The following USP24 variants were observed in gnomAD, a reference collection of about 807,000 sequenced individuals.
USP24 encodes the protein ubiquitin carboxyl-terminal hydrolase 24.
Under a neutral mutation model 361.6 loss-of-function variants are expected in USP24, and 97 were observed. That is an observed-to-expected ratio of 0.27 (90% CI 0.23 to 0.32). The LOEUF is 0.32. USP24 is among the 10% of genes least tolerant of loss of function. The probability of loss-of-function intolerance (pLI) is 1.00; values close to 1 mark genes in which losing one functional copy is unlikely to be tolerated. For missense variants in USP24, 2,353 were observed against 3,165.6 expected (o/e 0.74, Z 6.16); for synonymous variants, 1,098 against 1,124.6 (o/e 0.98, Z 0.47).
At chr1:55,151,897 G>A (rs970674371) in intron 16 of USP24, 7 of 985,796 alleles carry the variant, frequency 7.1e-6, no homozygotes, top group Non-Finnish European at 8.4e-6. Context: ...TAAGAAGTGG[G>A]TGATCTTGTC....
At chr1:55,135,270 C>A (rs1031211173) in intron 28 of USP24, among the ~76,000 whole-genome samples, 1 of 152,156 alleles carries the variant, frequency 6.6e-6, no homozygotes, top group African/African-American at 2.4e-5. Flanking sequence ...CAGGCATGAG[C>A]CACCACACCC....
Position 55,092,139 on chromosome 1 carries a change from A to C in USP24, c.6451-13T>G. On this transcript the variant is annotated splice_polypyrimidine_tract_variant and intron_variant, in intron 53 of 67. Coordinates refer to ENST00000294383, the MANE Select transcript of USP24 (RefSeq NM_015306.3). ...GCTTTAATTTAGTCTAAGAGAGGGA[A>C]ACATGAAAGAGGATATTTTTCACAG... 3 of 1,568,988 alleles carry C rather than the reference A, an allele frequency of 1.9e-6. No homozygotes were observed. The highest frequency in any genetic ancestry group is 1.7e-6 in the Non-Finnish European group (2 of 1,156,676).
intron 1 of USP24, among the ~76,000 whole-genome samples, chr1:55,196,245 C>T (rs931112162): frequency 2.0e-5 from 3 of 152,130 alleles, no homozygotes; most frequent in Admixed American, 1.3e-4. Flanking sequence ...CTTACCACCC[C>T]AAGTCTCTAA....
chr1:55,208,742 C>G (rs1275474614), intron 1 of USP24, among the ~76,000 whole-genome samples: 1 of 152,002 alleles, frequency 6.6e-6, no homozygotes, highest in African/African-American at 2.4e-5. Context: ...TCGAGACCAG[C>G]CTGGCCAACA....
At chr1:55,206,481 G>T (rs1316843838) in intron 1 of USP24, among the ~76,000 whole-genome samples, 1 of 152,126 alleles carries the variant, frequency 6.6e-6, no homozygotes, top group Non-Finnish European at 1.5e-5. Context: ...CTTAGAACAG[G>T]AAGGCAGGAG....
chr1:55,123,315 C>T lies in USP24; in HGVS notation c.4276+132G>A, dbSNP rs1270633116. 10 of 1,028,804 alleles carry T rather than the reference C, an allele frequency of 9.7e-6. No individual in the cohort carries two copies. In the East Asian group the frequency reaches 1.1e-4, roughly 11 times the overall value. 63.7% of individuals were successfully genotyped at this position (1,028,804 alleles called of 1,614,324 possible). On this transcript the variant is annotated intron_variant, in intron 36 of 67. Transcript: ENST00000294383. ...GCTATTTTAGCATTATTCTTAGCTA[C>T]GCCACATGCCAACTTCCCGCCTTTT...
chr1:55,113,888 A>G (rs532297822), intron 38 of USP24, among the ~76,000 whole-genome samples: 81 of 152,210 alleles, frequency 5.3e-4, no homozygotes, highest in Non-Finnish European at 8.7e-4. Flanking sequence ...CTTATTTAAC[A>G]TAGTATTGGA....
intron 36 of USP24, among the ~76,000 whole-genome samples, chr1:55,123,047 G>A (rs1646328125): frequency 6.6e-6 from 1 of 152,098 alleles, no homozygotes; most frequent in Non-Finnish European, 1.5e-5. Flanking sequence ...AATGGTCCCC[G>A]TTCACCAAAG....
chr1:55,205,892 C>T lies in USP24; in HGVS notation c.324+8898G>A, dbSNP rs141721335. On this transcript the variant is annotated intron_variant, in intron 1 of 67. Coordinates refer to ENST00000294383, the MANE Select transcript of USP24 (RefSeq NM_015306.3). ...TTAAGTATGCATATTTACATGTATA[C>T]GTGAGAGGCCCCATAGCTCTTAATT... Among the ~76,000 whole-genome samples the T allele has an allele frequency of 4.4e-3, 663 of 152,140 alleles. 6 individuals are homozygous for T. Among genetic ancestry groups the T allele is most frequent in the African/African-American group, 0.015 (628 of 41,502 alleles).
At chr1:55,130,930 T>A (rs1436535181) in intron 31 of USP24, among the ~76,000 whole-genome samples, 1 of 152,144 alleles carries the variant, frequency 6.6e-6, no homozygotes, top group Non-Finnish European at 1.5e-5. Context: ...ACAAAAAATA[T>A]CAAAGGAATT....
intron 3 of USP24, among the ~76,000 whole-genome samples, chr1:55,175,760 T>C (rs1006650967): frequency 3.3e-5 from 5 of 152,200 alleles, no homozygotes; most frequent in African/African-American, 1.2e-4. Flanking sequence ...GCTCATCTGC[T>C]AAAAAGGGAG....
chr1:55,160,670 T>G (rs1248318271), intron 8 of USP24, among the ~76,000 whole-genome samples: 5 of 152,202 alleles, frequency 3.3e-5, no homozygotes, highest in Non-Finnish European at 7.3e-5. Flanking sequence ...GGTTGGGAAT[T>G]CATACACTTC....
rs372946884 is a variant in USP24, at chr1:55,196,797, A to G, written c.324+17993T>C. ...TATTCTGACAAAAAGTTATCGTGAC[A>G]GTTGCCTGCAAGGCCCTAATGGGGA... On this transcript the variant is annotated intron_variant, in intron 1 of 67. Transcript: ENST00000294383. 3.5e-4 allele frequency among the ~76,000 whole-genome samples: 54 copies of G among 152,350 alleles called. 2 individuals carry two copies. In the South Asian group the frequency reaches 0.011, roughly 31 times the overall value.
intron 60 of USP24, among the ~76,000 whole-genome samples, chr1:55,079,166 C>T (rs1162112285): frequency 1.3e-5 from 2 of 152,090 alleles, no homozygotes; most frequent in East Asian, 1.9e-4. Context: ...GAGCAGCCCA[C>T]CCACACTCCT....
At chr1:55,122,123 A>G (rs1034074077) in intron 36 of USP24, among the ~76,000 whole-genome samples, 1 of 152,232 alleles carries the variant, frequency 6.6e-6, no homozygotes, top group Admixed American at 6.5e-5. Flanking sequence ...TAATGACAAT[A>G]AACACAATAA....
chr1:55,106,999 T>G lies in USP24; in HGVS notation c.4762+240A>C, dbSNP rs546044154. Among the ~76,000 whole-genome samples the G allele has an allele frequency of 9.2e-5, 14 of 152,306 alleles. No individual in the cohort carries two copies. The South Asian group carries it at 2.9e-3, about 32-fold the overall frequency. On this transcript the variant is annotated intron_variant, in intron 40 of 67. Coordinates refer to ENST00000294383, the MANE Select transcript of USP24 (RefSeq NM_015306.3). ...TTGAATTATAATTCTTACTTGGTAT[T>G]AGGAAGTTATGTGATCCAGCTATTT...
intron 62 of USP24, 36 bp downstream of exon 62, chr1:55,077,199 C>T: frequency 6.9e-7 from 1 of 1,441,202 alleles, no homozygotes. Context: ...CTAATACATT[C>T]CTAAATAAAA....
chr1:55,200,458 A>G (rs868710299), intron 1 of USP24, among the ~76,000 whole-genome samples: 1 of 152,210 alleles, frequency 6.6e-6, no homozygotes, highest in Middle Eastern at 3.2e-3. Flanking sequence ...AAGACATTCA[A>G]TAGATTGCTT....
chr1:55,142,607 A>G (rs1169336881), intron 23 of USP24, 135 bp downstream of exon 23: 4 of 657,616 alleles, frequency 6.1e-6, no homozygotes, highest in African/African-American at 5.6e-5. Context: ...CTATGCCACA[A>G]TATGGTACTG....
Sources: allele counts gnomAD v4.1 joint callset (sites outside exome capture counted in the v4.1 genomes callset), GRCh38; gene constraint gnomAD v4.1.1; transcripts MANE v1.5; gene names NCBI Gene and HGNC (gene_info 2026-07-23, HGNC 2026-07-21).